The following DSCAML1 variants were observed in gnomAD, a reference collection of about 807,000 sequenced individuals.
The protein encoded by DSCAML1 is DS cell adhesion molecule like 1, also known as cell adhesion molecule DSCAML1.
In DSCAML1, 38 loss-of-function variants were observed where a neutral mutation model predicts 200.5. That is an observed-to-expected ratio of 0.19 (90% CI 0.15 to 0.25). The LOEUF (loss-of-function observed/expected upper bound fraction) is 0.25, where lower values mean the gene tolerates loss of function less well. Ranked by LOEUF, DSCAML1 falls within the 10% of genes least tolerant of loss-of-function variation. DSCAML1 has a pLI of 1.00. For synonymous variants in DSCAML1, 1,215 were observed against 1,165.0 expected (o/e 1.04, Z -0.87); for missense variants, 2,223 against 2,858.8 (o/e 0.78, Z 5.07).
chr11:117,533,934 G>A (rs939046090), intron 3 of DSCAML1, among the ~76,000 whole-genome samples: 2 of 152,156 alleles, frequency 1.3e-5, no homozygotes, highest in African/African-American at 2.4e-5. Flanking sequence ...AGGCAGACCC[G>A]GAGGGCCCAG....
At chr11:117,779,418 C>T (rs1378413018) in intron 2 of DSCAML1, among the ~76,000 whole-genome samples, 2 of 152,154 alleles carry the variant, frequency 1.3e-5, no homozygotes, top group Non-Finnish European at 2.9e-5. Flanking sequence ...AGAAACCCTA[C>T]CTCCTTGCCT....
chr11:117,671,638 A>G (rs658274), intron 3 of DSCAML1, among the ~76,000 whole-genome samples: 10,876 of 152,316 alleles, frequency 0.071, 437 homozygotes, highest in South Asian at 0.11. Flanking sequence ...ATTTACTGCT[A>G]GTAATTAAAT....
chr11:117,524,857 C>T lies in DSCAML1; in HGVS notation c.885G>A (p.Glu295=), dbSNP rs2049946264. The change falls in exon 5 of 33, where the codon GAG becomes GAA. Residue 295 remains glutamate, a synonymous_variant. Coordinates refer to ENST00000651296, the MANE Select transcript of DSCAML1 (RefSeq NM_020693.4). ...CTGCCGAACCGAAGGTGTTGGTGAC[C>T]TCACAAATGTAGGTGCCGCTGTCCT... is the stretch of plus-strand genomic sequence containing the variant. ...RTEDSGTYIC[E]VTNTFGSAEA... 6.2e-7 allele frequency: 1 copy of T among 1,602,160 alleles called. No individual in the cohort carries two copies. Among genetic ancestry groups the T allele is most frequent in the Admixed American group, 1.7e-5 (1 of 58,610 alleles).
intron 1 of DSCAML1, among the ~76,000 whole-genome samples, chr11:117,809,041 G>A (rs527861593): frequency 6.6e-5 from 10 of 152,278 alleles, no homozygotes; most frequent in South Asian, 2.1e-4. Flanking sequence ...TAGCAGCTCC[G>A]TCACTGCCCC....
At chr11:117,696,076 G>A (rs1405656844) in intron 3 of DSCAML1, among the ~76,000 whole-genome samples, 2 of 152,176 alleles carry the variant, frequency 1.3e-5, no homozygotes, top group Admixed American at 6.5e-5. Flanking sequence ...ATTTAAACAC[G>A]GTGAAAGCTG....
At chr11:117,574,077 G>A (rs887734143) in intron 3 of DSCAML1, among the ~76,000 whole-genome samples, 2 of 152,206 alleles carry the variant, frequency 1.3e-5, no homozygotes, top group African/African-American at 4.8e-5. Context: ...GAGGGAAGGG[G>A]GGCCAGTGTG....
chr11:117,658,072 C>T (rs1283371598), intron 3 of DSCAML1, among the ~76,000 whole-genome samples: 1 of 152,148 alleles, frequency 6.6e-6, no homozygotes, highest in Non-Finnish European at 1.5e-5. Flanking sequence ...ATGGCTTTTC[C>T]ACCGTGCAAC....
chr11:117,682,652 C>G (rs973985877), intron 3 of DSCAML1, among the ~76,000 whole-genome samples: 4 of 152,032 alleles, frequency 2.6e-5, no homozygotes, highest in Admixed American at 2.6e-4. Flanking sequence ...TGCATAAAGG[C>G]TGGAAAAGGA....
intron 2 of DSCAML1, among the ~76,000 whole-genome samples, chr11:117,779,245 C>T (rs1223948895): frequency 1.3e-5 from 2 of 152,090 alleles, no homozygotes; most frequent in South Asian, 2.1e-4. Context: ...ATTCCCAAAA[C>T]GTCAGTGCTT....
intron 24 of DSCAML1, among the ~76,000 whole-genome samples, chr11:117,438,390 G>C (rs1288956720): frequency 6.6e-6 from 1 of 152,142 alleles, no homozygotes; most frequent in East Asian, 1.9e-4. Flanking sequence ...GAGAAAACCA[G>C]AGTTGTGAGG....
chr11:117,649,595 C>A (rs186943039), intron 3 of DSCAML1, among the ~76,000 whole-genome samples: 7 of 152,160 alleles, frequency 4.6e-5, no homozygotes, highest in Non-Finnish European at 1.0e-4. Context: ...TGTGACCCCA[C>A]CACTCTTCTT....
At position 117,431,714 on chromosome 11, in the gene DSCAML1, T is replaced by C; in HGVS notation, c.5194A>G (p.Lys1732Glu). 1 of 1,585,144 alleles carries C rather than the reference T, an allele frequency of 6.3e-7. No homozygotes were observed. The highest frequency in any genetic ancestry group is 8.6e-7 in the Non-Finnish European group (1 of 1,163,452). Residue 1732 changes from lysine (K) to glutamate (E), a missense_variant, in exon 31 of 33, where the codon AAG (lysine) becomes GAG (glutamate). Transcript: ENST00000651296. Reference protein sequence around the residue: ...IRPGTNPVSRKNVKSAHSTRN... With the variant: ...IRPGTNPVSRENVKSAHSTRN... ...GTGCTGTGGGCTGACTTCACATTCT[T>C]CCTGGACACTGGATCTGCACAGACA...
In DSCAML1 at chr11:117,432,420, A is replaced by G. The variant is rs1364568604; in HGVS notation, c.5111T>C (p.Leu1704Ser). ...GCTCTGGATGAGGGTTGGGTGGTGCAAGGAGACGCCAGTACAGAAGCTCTG... is the reference window on the plus strand; with the variant it reads ...GCTCTGGATGAGGGTTGGGTGGTGCGAGGAGACGCCAGTACAGAAGCTCTG... The part of the protein sequence containing the change: ...NPQSFCTGVS[L>S]HHPTLIQSTG... The change falls in exon 30 of 33, where the codon TTG becomes TCG. Residue 1704 changes from leucine (L) to serine (S), a missense_variant. By Grantham distance (145) the Leu-to-Ser change is moderately radical (BLOSUM62 -2). Around this residue, in one of 7 missense-constraint regions of DSCAML1, gnomAD observed 614 missense variants for 739.1 expected, o/e 0.83. Coordinates refer to ENST00000651296, the MANE Select transcript of DSCAML1 (RefSeq NM_020693.4). 6.2e-7 allele frequency: 1 copy of G among 1,613,986 alleles called. No homozygotes were observed. Among genetic ancestry groups the G allele is most frequent in the African/African-American group, 1.3e-5 (1 of 74,892 alleles).
At chr11:117,491,175 C>T (rs1862086328) in intron 11 of DSCAML1, among the ~76,000 whole-genome samples, 1 of 152,184 alleles carries the variant, frequency 6.6e-6, no homozygotes. Context: ...GCAACAGAGG[C>T]ATGGAATGTT....
At chr11:117,639,336 CTGGGTGGGTGGGAGGT>C (rs1265600726) in intron 3 of DSCAML1, among the ~76,000 whole-genome samples, 2 of 48,610 alleles carry the variant, frequency 4.1e-5, no homozygotes, top group Non-Finnish European at 7.6e-5. Context: ...GGATGGGAGG[CTGGGTGGGTGGGAGGT>C]TGGATGGATG....
At chr11:117,810,542 C>G (rs1282806674) in intron 1 of DSCAML1, among the ~76,000 whole-genome samples, 1 of 152,132 alleles carries the variant, frequency 6.6e-6, no homozygotes, top group Non-Finnish European at 1.5e-5. Flanking sequence ...AGGCTTGCCT[C>G]CTTCACTATG....
chr11:117,646,854 GA>G (rs141311321), intron 3 of DSCAML1, among the ~76,000 whole-genome samples: 6,961 of 110,792 alleles, frequency 0.063, 167 homozygotes, highest in East Asian at 0.12. Flanking sequence ...AGAGAGAGAG[GA>G]AAAAAAAAAA....
At chr11:117,758,968 T>C (rs764767282) in intron 3 of DSCAML1, among the ~76,000 whole-genome samples, 3 of 152,174 alleles carry the variant, frequency 2.0e-5, no homozygotes, top group Non-Finnish European at 4.4e-5. Context: ...TGCCTACCCA[T>C]GATAAACAAG....
intron 3 of DSCAML1, among the ~76,000 whole-genome samples, chr11:117,667,150 GC>G (rs1565862345): frequency 6.6e-6 from 1 of 152,176 alleles, no homozygotes; most frequent in Non-Finnish European, 1.5e-5. Flanking sequence ...GATGGCTCAC[GC>G]CTGTAATCCC....
Sources: gnomAD v4.1 joint callset for allele counts (sites outside exome capture counted in the v4.1 genomes callset) on GRCh38, gnomAD v4.1.1 for gene constraint, gnomAD v4.1.1 regional missense constraint, MANE v1.5 for transcripts, NCBI Gene and HGNC (gene_info 2026-07-23, HGNC 2026-07-21) for gene names.